TMEM143: variants seen among roughly 807,000 people sequenced by gnomAD.
The protein encoded by TMEM143 is transmembrane protein 143.
In TMEM143, 45 loss-of-function variants were observed where a neutral mutation model predicts 40.3. The observed-to-expected ratio is 1.12, with a 90% CI of 0.88 to 1.43. The LOEUF is 1.43. Among genes scored for constraint, TMEM143 ranks in the 40% most tolerant of loss-of-function variants. TMEM143 has a pLI of 0.00. For missense variants in TMEM143, 620 were observed against 613.4 expected, an observed-to-expected ratio of 1.01 and a Z score of -0.11; for synonymous variants, 299 against 282.7, an observed-to-expected ratio of 1.06 and a Z score of -0.58.
At chr19:48,354,423 C>A (rs191703737) in intron 3 of TMEM143, among the ~76,000 whole-genome samples, 2 of 151,886 alleles carry the variant, frequency 1.3e-5, no homozygotes, top group Admixed American at 1.3e-4. Flanking sequence ...CGCCACCACA[C>A]CCAGCTAATT....
At chr19:48,334,750 G>A (rs1969330840) in intron 6 of TMEM143, among the ~76,000 whole-genome samples, 1 of 151,824 alleles carries the variant, frequency 6.6e-6, no homozygotes, top group African/African-American at 2.4e-5. Flanking sequence ...GCGCCACCAA[G>A]CCCGATATTT....
chr19:48,360,001 G>A (rs1453594306), intron 3 of TMEM143, 71 bp downstream of exon 3: 3 of 1,473,004 alleles, frequency 2.0e-6, no homozygotes, highest in African/African-American at 1.4e-5. Flanking sequence ...CCAAGAAGGT[G>A]TCAGGGAATG....
intron 6 of TMEM143, among the ~76,000 whole-genome samples, chr19:48,337,275 G>A (rs886258286): frequency 2.6e-5 from 4 of 152,084 alleles, no homozygotes; most frequent in South Asian, 2.1e-4. Flanking sequence ...ACAGCCGGGC[G>A]CGGTGGCTCA....
At chr19:48,341,135 A>G (rs1969477105) in intron 6 of TMEM143, among the ~76,000 whole-genome samples, 1 of 152,218 alleles carries the variant, frequency 6.6e-6, no homozygotes, top group Admixed American at 6.5e-5. Context: ...ATGATCGCGT[A>G]CGACAGATGC....
At chr19:48,352,517 G>A (rs900228986) in intron 3 of TMEM143, among the ~76,000 whole-genome samples, 1 of 151,400 alleles carries the variant, frequency 6.6e-6, no homozygotes, top group African/African-American at 2.4e-5. Context: ...GCTCACACCT[G>A]TAATCCCAGC....
chr19:48,343,379 G>C lies in TMEM143; in HGVS notation c.637C>G (p.Leu213Val), dbSNP rs557606157. The C allele has an allele frequency of 1.2e-6, 2 of 1,607,838 alleles. No individual in the cohort carries two copies. The highest frequency in any genetic ancestry group is 1.7e-6 in the Non-Finnish European group (2 of 1,177,416). ...CGCCTGGAGCCCACGCTGGACTTCAGGGGCATCTGCCCGACTCGCTGGCCC... is the reference window on the plus strand; with the variant it reads ...CGCCTGGAGCCCACGCTGGACTTCACGGGCATCTGCCCGACTCGCTGGCCC... Reference protein sequence around the residue: ...ALGQRVGQMPLKSSVGSRRGF... With the variant: ...ALGQRVGQMPVKSSVGSRRGF... The change falls in exon 5 of 8, where the codon CTG (leucine) becomes GTG (valine). Residue 213 changes from leucine to valine, a missense_variant. Coordinates refer to ENST00000293261, the MANE Select transcript of TMEM143 (RefSeq NM_018273.4).
chr19:48,333,228 G>A lies in TMEM143; in HGVS notation c.1371C>T (p.Asn457=), dbSNP rs1600888805. Reference sequence around the variant, plus strand: ...GGGAGGTAGGTTCTACTCAGGAGATGTTACTGCTGGGCGTGGCTTGCGGGG... The same window carrying A: ...GGGAGGTAGGTTCTACTCAGGAGATATTACTGCTGGGCGTGGCTTGCGGGG... ...SEPPQATPSS[N]IS Residue 457 remains asparagine, a synonymous_variant, in exon 8 of 8, where the codon AAC becomes AAT. Transcript: ENST00000293261. The surrounding 1 kb of genome is among the most constrained non-coding windows in gnomAD (Gnocchi z 4.1). 2 of 1,483,526 alleles carry A rather than the reference G, an allele frequency of 1.3e-6. No individual in the cohort carries two copies. Among genetic ancestry groups the A allele is most frequent in the East Asian group, 4.8e-5 (2 of 41,886 alleles). 91.9% of individuals were successfully genotyped at this position (1,483,526 alleles called of 1,614,324 possible).
chr19:48,351,389 T>G (rs893109175), intron 3 of TMEM143, among the ~76,000 whole-genome samples: 1 of 152,168 alleles, frequency 6.6e-6, no homozygotes, highest in African/African-American at 2.4e-5. Flanking sequence ...CCCTCCTCCC[T>G]GGCCTGGGAG....
intron 3 of TMEM143, among the ~76,000 whole-genome samples, chr19:48,348,293 A>G (rs1403538965): frequency 6.6e-6 from 1 of 152,114 alleles, no homozygotes; most frequent in Non-Finnish European, 1.5e-5. Context: ...AAACCTGGAC[A>G]TTGCACGTGA....
intron 6 of TMEM143, among the ~76,000 whole-genome samples, chr19:48,337,533 C>A (rs1407833317): frequency 6.7e-6 from 1 of 149,514 alleles, no homozygotes; most frequent in Non-Finnish European, 1.5e-5. Context: ...GGGGACAGAG[C>A]GAGACTCCAT....
chr19:48,335,345 G>A (rs929673030), intron 6 of TMEM143, among the ~76,000 whole-genome samples: 1 of 152,220 alleles, frequency 6.6e-6, no homozygotes, highest in Non-Finnish European at 1.5e-5. Context: ...GAGAGGCCAA[G>A]GTGGGTGGAT....
intron 6 of TMEM143, among the ~76,000 whole-genome samples, chr19:48,339,910 G>C (rs1008450155): frequency 6.6e-6 from 1 of 151,674 alleles, no homozygotes; most frequent in Middle Eastern, 3.2e-3. Flanking sequence ...TGTATTTTTA[G>C]TAGAGATGGG....
At chr19:48,342,849 G>T (rs750726360) in intron 5 of TMEM143, 40 bp from the exon 6 acceptor site, 2 of 1,555,504 alleles carry the variant, frequency 1.3e-6, no homozygotes, top group Non-Finnish European at 1.7e-6. Context: ...GATCGGGACT[G>T]CACTGCCCGG....
intron 2 of TMEM143, among the ~76,000 whole-genome samples, chr19:48,362,724 A>T (rs1970078658): frequency 6.6e-6 from 1 of 152,174 alleles, no homozygotes; most frequent in African/African-American, 2.4e-5. Context: ...GCCTAACCCT[A>T]GTCCTGGGCC....
chr19:48,345,390 G>A (rs748291443), intron 3 of TMEM143, 36 bp from the exon 4 acceptor site: 12 of 1,480,860 alleles, frequency 8.1e-6, no homozygotes, highest in Non-Finnish European at 1.1e-5. Context: ...GATGGGATAG[G>A]TCTCTGCATG....
chr19:48,339,444 C>T (rs1409531582), intron 6 of TMEM143, among the ~76,000 whole-genome samples: 2 of 152,164 alleles, frequency 1.3e-5, no homozygotes, highest in Non-Finnish European at 1.5e-5. Flanking sequence ...ACTCCGCATC[C>T]CGCACCTTGC....
rs1969246925 is a variant in TMEM143 at position 48,332,985 on chromosome 19, G to GT, written c.*233_*234insA. 1 of 377,492 alleles carries GT rather than the reference G, an allele frequency of 2.6e-6. No individual in the cohort carries two copies. Among genetic ancestry groups the GT allele is most frequent in the East Asian group, 3.9e-5 (1 of 25,438 alleles). 23.4% of individuals were successfully genotyped at this position (377,492 alleles called of 1,614,324 possible). On this transcript the variant is annotated 3_prime_UTR_variant, in exon 8 of 8. Coordinates refer to ENST00000293261, the MANE Select transcript of TMEM143 (RefSeq NM_018273.4). ...GAGGGTGGGACTAAGAAATGGAACA[G>GT]AAGCAGAGCTAAATCGCTTTGATTG...
intron 5 of TMEM143, 60 bp downstream of exon 5, chr19:48,343,260 TC>T (rs1156687349): frequency 6.4e-7 from 1 of 1,556,450 alleles, no homozygotes; most frequent in Non-Finnish European, 8.7e-7. Flanking sequence ...GACCTGTCAG[TC>T]CCCTCTTGAC....
At position 48,342,764 on chromosome 19, in the gene TMEM143, T is replaced by C. The variant is rs753854611; in HGVS notation, c.741A>G (p.Gly247=). 2.5e-6 allele frequency: 4 copies of C among 1,611,896 alleles called. No individual in the cohort carries two copies. The highest frequency in any genetic ancestry group is 2.5e-6 in the Non-Finnish European group (3 of 1,178,196). ...CCTTGAAACTCTTCAGTACCAGGTG[T>C]CCCCGTTTGGTCCGGGCTGCCAGGA... The part of the protein sequence containing the change: ...RVVLAARTKR[G]HLVLKSFKDT... The change falls in exon 6 of 8, where the codon GGA becomes GGG. Residue 247 remains glycine, a synonymous_variant. Coordinates refer to ENST00000293261, the MANE Select transcript of TMEM143 (RefSeq NM_018273.4).
Sources: allele counts gnomAD v4.1 joint callset (sites outside exome capture counted in the v4.1 genomes callset), GRCh38; gene constraint gnomAD v4.1.1; non-coding constraint Gnocchi (gnomAD v3.1); transcripts MANE v1.5; gene names NCBI Gene and HGNC (gene_info 2026-07-23, HGNC 2026-07-21).